Variants in COL4A1 observed in about 807,000 individuals in gnomAD.
The protein encoded by COL4A1 is collagen alpha-1(IV) chain.
In COL4A1, 40 loss-of-function variants were observed where a neutral mutation model predicts 216.6. The ratio of observed to expected loss-of-function variants is 0.18; its 90% CI spans 0.14 to 0.24. COL4A1 has a LOEUF of 0.24. Ranked by LOEUF, COL4A1 falls within the 10% of genes least tolerant of loss-of-function variation. The probability of loss-of-function intolerance (pLI) is 1.00; values close to 1 mark genes in which losing one functional copy is unlikely to be tolerated. For missense variants in COL4A1, 1,628 were observed against 2,196.8 expected (o/e 0.74, Z 5.18); for synonymous variants, 839 against 810.7 (o/e 1.03, Z -0.59).
At chr13:110,187,066 A>G in intron 25 of COL4A1, 72 bp downstream of exon 25, 1 of 1,555,336 alleles carries the variant, frequency 6.4e-7, no homozygotes, top group Non-Finnish European at 8.9e-7. Flanking sequence ...ATATGATTCA[A>G]ATTACTCATT....
At chr13:110,191,478 A>G (rs1317432653) in intron 24 of COL4A1, 4 of 456,526 alleles carry the variant, frequency 8.8e-6, no homozygotes, top group Non-Finnish European at 1.2e-5. Flanking sequence ...AACAGAAGTC[A>G]TTATATGCAA....
At chr13:110,245,466 G>C (rs1308848787) in intron 1 of COL4A1, among the ~76,000 whole-genome samples, 1 of 152,236 alleles carries the variant, frequency 6.6e-6, no homozygotes, top group Non-Finnish European at 1.5e-5. Context: ...TCTGGGCTTA[G>C]CTGGCAGAAA....
intron 41 of COL4A1, among the ~76,000 whole-genome samples, chr13:110,172,024 C>T (rs1877666524): frequency 6.6e-6 from 1 of 152,238 alleles, no homozygotes; most frequent in Admixed American, 6.5e-5. Flanking sequence ...ACAACACCTC[C>T]GTGCCCCTGC....
chr13:110,251,395 C>G (rs943857262), intron 1 of COL4A1, among the ~76,000 whole-genome samples: 1 of 152,268 alleles, frequency 6.6e-6, no homozygotes, highest in African/African-American at 2.4e-5. Context: ...CTGTGCCAGG[C>G]ACTCCTTCAC....
At chr13:110,181,267 C>T (rs1878138257) in intron 29 of COL4A1, 25 bp downstream of exon 29, 2 of 1,606,630 alleles carry the variant, frequency 1.2e-6, no homozygotes, top group African/African-American at 1.3e-5. Flanking sequence ...GGAGAAGGGT[C>T]ATGGAGGGAA....
intron 1 of COL4A1, among the ~76,000 whole-genome samples, chr13:110,286,329 T>C (rs1221362592): frequency 2.0e-5 from 3 of 152,066 alleles, no homozygotes; most frequent in African/African-American, 7.2e-5. Flanking sequence ...CACTCGAAGC[T>C]CCTGAGGGTG....
chr13:110,207,147 A>G lies in COL4A1; in HGVS notation c.780+256T>C, dbSNP rs1299912961. On this transcript the variant is annotated intron_variant, in intron 13 of 51. Coordinates refer to ENST00000375820, the MANE Select transcript of COL4A1 (RefSeq NM_001845.6). This position sits in a 1 kb window ranked among gnomAD's most constrained non-coding sequence, Gnocchi z 4.4. Reference sequence around the variant, plus strand: ...CCAGCTCCCTCCTCCTGACCAAGCCATCTCCAACTTGGGGCACATTTAAGA... The same window carrying G: ...CCAGCTCCCTCCTCCTGACCAAGCCGTCTCCAACTTGGGGCACATTTAAGA... 6.7e-6 allele frequency among the ~76,000 whole-genome samples: 1 copy of G among 148,248 alleles called. No homozygotes were observed. The highest frequency in any genetic ancestry group is 1.5e-5 in the Non-Finnish European group (1 of 66,960).
At chr13:110,224,028 G>C (rs1880625223) in intron 2 of COL4A1, among the ~76,000 whole-genome samples, 1 of 152,106 alleles carries the variant, frequency 6.6e-6, no homozygotes, top group Non-Finnish European at 1.5e-5. Context: ...AATATATATG[G>C]AATACTATCC....
In COL4A1 at chr13:110,149,930, A is replaced by T; in HGVS notation, c.*433T>A. ...TGCTATTATTTGTACAGACCAAGGG[A>T]CCTAAATTTTGAAACAGCTAGACAG... On this transcript the variant is annotated 3_prime_UTR_variant, in exon 52 of 52. Coordinates refer to ENST00000375820, the MANE Select transcript of COL4A1 (RefSeq NM_001845.6). 1 of 294,136 alleles carries T rather than the reference A, an allele frequency of 3.4e-6. No homozygotes were observed. Among genetic ancestry groups the T allele is most frequent in the Non-Finnish European group, 6.7e-6 (1 of 150,148 alleles). The allele number at this position is 294,136 out of a possible 1,614,324, so 18.2% of individuals were successfully genotyped here.
intron 48 of COL4A1, 55 bp from the exon 49 acceptor site, chr13:110,161,424 T>A: frequency 6.5e-7 from 1 of 1,546,230 alleles, no homozygotes; most frequent in Non-Finnish European, 8.7e-7. Flanking sequence ...ACAATCTATC[T>A]CTATGTAAAG....
chr13:110,293,913 C>T (rs1029025689), intron 1 of COL4A1, among the ~76,000 whole-genome samples: 3 of 152,222 alleles, frequency 2.0e-5, no homozygotes, highest in South Asian at 4.1e-4. Flanking sequence ...TGAGTGTTCT[C>T]ACAGCAATAG....
intron 21 of COL4A1, among the ~76,000 whole-genome samples, chr13:110,195,940 G>A (rs535755924): frequency 2.4e-4 from 37 of 152,254 alleles, no homozygotes; most frequent in Non-Finnish European, 4.6e-4. Context: ...GCTGTCACCT[G>A]GACGCCCTGA....
At chr13:110,301,340 T>C (rs1364183780) in intron 1 of COL4A1, among the ~76,000 whole-genome samples, 3 of 152,208 alleles carry the variant, frequency 2.0e-5, no homozygotes, top group African/African-American at 7.2e-5. Context: ...CTCCCAAACA[T>C]GGTGGGATGC....
At chr13:110,257,945 A>G (rs1204749828) in intron 1 of COL4A1, among the ~76,000 whole-genome samples, 5 of 152,272 alleles carry the variant, frequency 3.3e-5, no homozygotes, top group Non-Finnish European at 5.9e-5. Flanking sequence ...AATATGGAAA[A>G]TATAATTCAT....
In COL4A1 at chr13:110,195,083, C is replaced by A. The variant is rs773055726; in HGVS notation, c.1321G>T (p.Asp441Tyr). ...CCTGGAATTCCAGGAGGACCCTGGT[C>A]ACCTGGAGGTCCGGGCTGACATTCC... ...IVECQPGPPG[D>Y]QGPPGIPGQP... Residue 441 changes from aspartate to tyrosine, a missense_variant, in exon 22 of 52, where the codon GAC becomes TAC. Asp to Tyr is a radical substitution (Grantham distance 160). Around this residue, in one of 8 missense-constraint regions of COL4A1, gnomAD observed 701 missense variants for 892.5 expected, o/e 0.79. Coordinates refer to ENST00000375820, the MANE Select transcript of COL4A1 (RefSeq NM_001845.6). 6 of 1,614,194 alleles carry A rather than the reference C, an allele frequency of 3.7e-6. No homozygotes were observed. The highest frequency in any genetic ancestry group is 4.2e-6 in the Non-Finnish European group (5 of 1,180,032).
At chr13:110,182,002 G>T (rs897743991) in intron 28 of COL4A1, among the ~76,000 whole-genome samples, 8 of 152,360 alleles carry the variant, frequency 5.3e-5, no homozygotes, top group African/African-American at 1.9e-4. Flanking sequence ...CTTCTGTGAG[G>T]CTGCTGCACA....
At chr13:110,220,865 G>A (rs967531196) in intron 2 of COL4A1, among the ~76,000 whole-genome samples, 1 of 152,162 alleles carries the variant, frequency 6.6e-6, no homozygotes, top group Non-Finnish European at 1.5e-5. Context: ...GCCTTCCTCC[G>A]TATGGCCAAG....
At chr13:110,281,231 C>T (rs1211221770) in intron 1 of COL4A1, among the ~76,000 whole-genome samples, 1 of 152,172 alleles carries the variant, frequency 6.6e-6, no homozygotes, top group African/African-American at 2.4e-5. Flanking sequence ...TGACACGACT[C>T]TGGGAAGACT....
intron 1 of COL4A1, among the ~76,000 whole-genome samples, chr13:110,290,349 A>C (rs190077168): frequency 3.3e-5 from 5 of 152,318 alleles, no homozygotes; most frequent in African/African-American, 1.2e-4. Flanking sequence ...CATTCGTTTT[A>C]TCATTAACAT....
Sources: allele counts gnomAD v4.1 joint callset (sites outside exome capture counted in the v4.1 genomes callset), GRCh38; gene constraint gnomAD v4.1.1; regional missense constraint gnomAD v4.1.1; non-coding constraint Gnocchi (gnomAD v3.1); transcripts MANE v1.5; gene names NCBI Gene and HGNC (gene_info 2026-07-23, HGNC 2026-07-21).